CHD9: variants seen among roughly 807,000 people sequenced by gnomAD.
CHD9 encodes the protein ATP-dependent chromatin remodeler CHD9.
A neutral mutation model predicts 316.1 loss-of-function variants in CHD9; 77 were observed. The ratio of observed to expected loss-of-function variants is 0.24; its 90% confidence interval spans 0.20 to 0.29. The LOEUF is 0.29. CHD9 is among the 10% of genes least tolerant of loss of function. The pLI is 1.00. For missense variants in CHD9, 2,763 were observed against 3,438.1 expected, an observed-to-expected ratio of 0.80 and a Z score of 4.91; for synonymous variants, 1,129 against 1,158.3, an observed-to-expected ratio of 0.97 and a Z score of 0.51.
intron 19 of CHD9, among the ~76,000 whole-genome samples, chr16:53,257,850 C>T (rs1310534433): frequency 6.6e-6 from 1 of 151,904 alleles, no homozygotes; most frequent in Admixed American, 6.6e-5. Context: ...GTAGATGTAC[C>T]CCGGCTCTAG....
chr16:53,232,294 G>A (rs1214536030), intron 10 of CHD9, among the ~76,000 whole-genome samples: 1 of 152,088 alleles, frequency 6.6e-6, no homozygotes, highest in African/African-American at 2.4e-5. Flanking sequence ...TTTTGGGGTG[G>A]GGTCTATGCC....
At chr16:53,259,383 A>G (rs2050885527) in intron 19 of CHD9, among the ~76,000 whole-genome samples, 1 of 152,200 alleles carries the variant, frequency 6.6e-6, no homozygotes, top group African/African-American at 2.4e-5. Flanking sequence ...AAAAATTATT[A>G]TACACTGTAG....
Position 53,157,190 on chromosome 16 carries a change from A to G in CHD9, c.1101A>G (p.Ser367=), listed in dbSNP as rs1487346255. ...VHMNFPDPVD[S]GTQMGHFNDH... is the part of the protein sequence containing the mutation. ...TGAACTTCCCAGATCCTGTTGACTC[A>G]GGAACTCAAATGGGCCATTTCAATG... The change falls in exon 2 of 39, where the codon TCA becomes TCG. Residue 367 remains serine (S), a synonymous_variant. Transcript: ENST00000447540. 5.6e-6 allele frequency: 9 copies of G among 1,607,314 alleles called. No individual in the cohort carries two copies. The highest frequency in any genetic ancestry group is 1.3e-5 in the African/African-American group (1 of 74,872).
At chr16:53,219,000 A>G (rs1191157367) in intron 3 of CHD9, among the ~76,000 whole-genome samples, 2 of 152,134 alleles carry the variant, frequency 1.3e-5, no homozygotes, top group African/African-American at 4.8e-5. Flanking sequence ...TTCACAAGCA[A>G]AGTAACGGAT....
At position 53,326,210 on chromosome 16, in the gene CHD9, C is replaced by T. The variant is rs1041080204; in HGVS notation, c.*1315C>T. 6.6e-6 allele frequency: 1 copy of T among 152,292 alleles called. No homozygotes were observed. Among genetic ancestry groups the T allele is most frequent in the Non-Finnish European group, 1.5e-5 (1 of 67,892 alleles). The allele number at this position is 152,292 out of a possible 1,614,324, so 9.4% of individuals were successfully genotyped here. On this transcript the variant is annotated 3_prime_UTR_variant, in exon 39 of 39. Coordinates refer to ENST00000447540, the MANE Select transcript of CHD9 (RefSeq NM_001308319.2). ...GCTATTATTCTGACAAGGTAGAGGT[C>T]CAGGTTCACCTTTATATATATTTAA...
chr16:53,062,032 A>G (rs116118434), intron 1 of CHD9, among the ~76,000 whole-genome samples: 3,450 of 152,038 alleles, frequency 0.023, 145 homozygotes, highest in African/African-American at 0.079. Context: ...CCCGCCTCTC[A>G]CCCCTGGGGC....
intron 1 of CHD9, among the ~76,000 whole-genome samples, chr16:53,108,143 T>C (rs150825549): frequency 7.4e-4 from 113 of 152,330 alleles, no homozygotes; most frequent in Non-Finnish European, 1.3e-3. Flanking sequence ...TACCCACTTA[T>C]TGTGATCTCT....
At chr16:53,058,435 A>T (rs770289610) in intron 1 of CHD9, among the ~76,000 whole-genome samples, 2 of 152,080 alleles carry the variant, frequency 1.3e-5, no homozygotes, top group Non-Finnish European at 2.9e-5. Flanking sequence ...GTATCTTTAA[A>T]CAGAAACACA....
intron 1 of CHD9, among the ~76,000 whole-genome samples, chr16:53,055,784 C>G (rs556883638): frequency 1.8e-4 from 28 of 152,248 alleles, no homozygotes; most frequent in African/African-American, 5.3e-4. Context: ...CATCCCCCAC[C>G]CCCCACAGTA....
intron 7 of CHD9, 90 bp from the exon 8 acceptor site, chr16:53,228,893 C>A: frequency 1.7e-6 from 1 of 587,552 alleles, no homozygotes; most frequent in Non-Finnish European, 3.0e-6. Context: ...AAGTTGAAGA[C>A]AATAGTTTAT....
At position 53,308,842 on chromosome 16, in the gene CHD9, A is replaced by G. The variant is rs1192445694; in HGVS notation, c.7210A>G (p.Ile2404Val). ...CAGCCTCGTCAATTTCCCAAAATCC[A>G]TACCAGTATCAGGTGAATATGCAAG... is the stretch of plus-strand genomic sequence containing the variant. ...ETSLVNFPKS[I>V]PVSGTSIQPT... Residue 2404 changes from isoleucine to valine, a missense_variant, in exon 34 of 39, where the codon ATA becomes GTA. By Grantham distance (29) the Ile-to-Val change is conservative (BLOSUM62 3). Around this residue, in one of 15 missense-constraint regions of CHD9, gnomAD observed 663 missense variants for 751.2 expected, o/e 0.88. Transcript: ENST00000447540. The G allele has an allele frequency of 6.2e-6, 10 of 1,612,900 alleles. No individual in the cohort carries two copies. Among genetic ancestry groups the G allele is most frequent in the Admixed American group, 3.3e-5 (2 of 59,964 alleles).
Position 53,220,069 on chromosome 16 carries a change from G to T in CHD9, c.1785-2575G>T, listed in dbSNP as rs112799609. Among the ~76,000 whole-genome samples, 381 of 152,278 alleles carry T rather than the reference G, an allele frequency of 2.5e-3. 5 individuals carry two copies. Among genetic ancestry groups the T allele is most frequent in the African/African-American group, 8.7e-3 (363 of 41,564 alleles). On this transcript the variant is annotated intron_variant, in intron 3 of 38. Transcript: ENST00000447540. ...CAAGGGAGATTTTTATTTTAGGAAA[G>T]AAACTAGAGGAGGAAAAGGGACTAG...
intron 2 of CHD9, among the ~76,000 whole-genome samples, chr16:53,175,585 G>A (rs368353595): frequency 1.9e-4 from 29 of 152,226 alleles, no homozygotes; most frequent in African/African-American, 6.0e-4. Flanking sequence ...TTCATAATAT[G>A]GAATTGTCAT....
chr16:53,235,259 A>C lies in CHD9; in HGVS notation c.2586A>C (p.Glu862Asp). 6.5e-7 allele frequency: 1 copy of C among 1,548,772 alleles called. No homozygotes were observed. Among genetic ancestry groups the C allele is most frequent in the Non-Finnish European group, 8.7e-7 (1 of 1,143,964 alleles). Residue 862 changes from glutamate to aspartate, a missense_variant, in exon 11 of 39, where the codon GAA (glutamate) becomes GAC (aspartate). Coordinates refer to ENST00000447540, the MANE Select transcript of CHD9 (RefSeq NM_001308319.2). The stretch of plus-strand genomic sequence containing the variant: ...ATAAAAATGGCAATCAACTCAGGGA[A>C]TATCAACTGGAAGGACTCAACTGGC... The part of the protein sequence containing the change: ...RDYKNGNQLR[E>D]YQLEGLNWLL...
intron 17 of CHD9, among the ~76,000 whole-genome samples, chr16:53,253,218 ATG>A (rs756424297): frequency 7.4e-6 from 1 of 135,056 alleles, no homozygotes; most frequent in South Asian, 2.4e-4. Context: ...GTGTGTATAT[ATG>A]TGTGTGTATA....
intron 34 of CHD9, among the ~76,000 whole-genome samples, chr16:53,310,154 C>G (rs2056339077): frequency 6.6e-6 from 1 of 152,182 alleles, no homozygotes; most frequent in Non-Finnish European, 1.5e-5. Context: ...ATTCATTAAC[C>G]ATTCAATGTA....
rs766818817 is a variant in CHD9, at chr16:53,324,022, A to T, written c.7821A>T (p.Gly2607=). ...TAATGAATATATATTTCTTCCAGGG[A>T]TTTCTTCCAGAAAGCATGTATGAAC... ...PEWGDVVKQS[G]FLPESMYERI... The change falls in exon 39 of 39, where the codon GGA becomes GGT. Residue 2607 remains glycine (G), a splice_region_variant and synonymous_variant. Coordinates refer to ENST00000447540, the MANE Select transcript of CHD9 (RefSeq NM_001308319.2). 3 of 1,597,330 alleles carry T rather than the reference A, an allele frequency of 1.9e-6. No homozygotes were observed. Among genetic ancestry groups the T allele is most frequent in the South Asian group, 2.2e-5 (2 of 90,616 alleles).
chr16:53,142,837 G>A (rs965779810), intron 1 of CHD9, among the ~76,000 whole-genome samples: 1 of 152,194 alleles, frequency 6.6e-6, no homozygotes, highest in African/African-American at 2.4e-5. Context: ...AATTTATACA[G>A]AAAAGACATT....
At chr16:53,319,737 T>C (rs1472341798) in intron 37 of CHD9, 2 of 766,470 alleles carry the variant, frequency 2.6e-6, no homozygotes, top group Non-Finnish European at 3.6e-6. Context: ...TTTTTAATTA[T>C]TGTAACTTCA....
Sources: gnomAD v4.1 joint callset for allele counts (sites outside exome capture counted in the v4.1 genomes callset) on GRCh38, gnomAD v4.1.1 for gene constraint, gnomAD v4.1.1 regional missense constraint, MANE v1.5 for transcripts, NCBI Gene and HGNC (gene_info 2026-07-23, HGNC 2026-07-21) for gene names.